BORCS5: variants seen among roughly 807,000 people sequenced by gnomAD.
BORCS5 encodes the protein BLOC-1 related complex subunit 5.
A neutral mutation model predicts 22.1 loss-of-function variants in BORCS5; 17 were observed. The observed-to-expected ratio is 0.77, with a 90% CI of 0.53 to 1.15. BORCS5 has a LOEUF of 1.15. Among genes scored for constraint, BORCS5 ranks in the 50% most tolerant of loss-of-function variants. The pLI, the probability that BORCS5 is intolerant of heterozygous loss-of-function variation, is 0.00. For missense variants in BORCS5, 247 were observed against 253.2 expected, an observed-to-expected ratio of 0.98 and a Z score of 0.17; for synonymous variants, 117 against 99.8, an observed-to-expected ratio of 1.17 and a Z score of -1.03.
chr12:12,371,196 A>G (rs1384986673), intron 2 of BORCS5, among the ~76,000 whole-genome samples: 4 of 152,164 alleles, frequency 2.6e-5, no homozygotes, highest in African/African-American at 9.7e-5. Context: ...CTTTTAGTGA[A>G]GGGTCTTATT....
intron 2 of BORCS5, among the ~76,000 whole-genome samples, chr12:12,374,824 G>A (rs1206236746): frequency 6.6e-6 from 1 of 151,444 alleles, no homozygotes; most frequent in Non-Finnish European, 1.5e-5. Flanking sequence ...CGGGCGTGGT[G>A]GCGCACAGCT....
intron 2 of BORCS5, among the ~76,000 whole-genome samples, chr12:12,407,062 C>T (rs1941611374): frequency 6.6e-6 from 1 of 152,186 alleles, no homozygotes; most frequent in African/African-American, 2.4e-5. Flanking sequence ...TCTGCCTTCA[C>T]TCAGTGAGAG....
intron 2 of BORCS5, among the ~76,000 whole-genome samples, chr12:12,368,454 C>CT (rs1383467883): frequency 2.0e-5 from 3 of 151,518 alleles, no homozygotes; most frequent in South Asian, 2.1e-4. Flanking sequence ...TTTCCTTCTT[C>CT]TTTTTTTTGA....
At chr12:12,376,427 G>T (rs1351828038) in intron 2 of BORCS5, among the ~76,000 whole-genome samples, 2 of 151,916 alleles carry the variant, frequency 1.3e-5, no homozygotes, top group Admixed American at 1.3e-4. Context: ...TAGAGAGGGG[G>T]TTTCACAGTG....
At chr12:12,396,053 G>A (rs1320925373) in intron 2 of BORCS5, among the ~76,000 whole-genome samples, 2 of 151,990 alleles carry the variant, frequency 1.3e-5, no homozygotes. Context: ...GGAGTGCAGT[G>A]GCACCATCTC....
intron 2 of BORCS5, among the ~76,000 whole-genome samples, chr12:12,431,057 C>T (rs1942410560): frequency 6.6e-6 from 1 of 152,146 alleles, no homozygotes; most frequent in Non-Finnish European, 1.5e-5. Context: ...CATCATTTAG[C>T]TTGTGTGCTA....
rs775544815 is a variant in BORCS5, at chr12:12,465,719, C to T, written c.534C>T (p.Pro178=). 1.4e-5 allele frequency: 23 copies of T among 1,614,006 alleles called. No homozygotes were observed. The highest frequency in any genetic ancestry group is 1.0e-4 in the Admixed American group (6 of 60,012). ...TGGACAGGCTCAACAGCATGCTGCC[C>T]GAGGGCGAGCGGCTGGAGCCCTTCA... The part of the protein sequence containing the change: ...PLLDRLNSML[P]EGERLEPFSM... Residue 178 remains proline, a synonymous_variant, in exon 4 of 4, where the codon CCC becomes CCT. Coordinates refer to ENST00000314565, the MANE Select transcript of BORCS5 (RefSeq NM_058169.6).
chr12:12,377,412 C>A (rs371435393), intron 2 of BORCS5, among the ~76,000 whole-genome samples: 1 of 152,116 alleles, frequency 6.6e-6, no homozygotes. Flanking sequence ...CTCCTGACCT[C>A]AGGTGGTCTG....
rs1943191455 is a variant in BORCS5, at chr12:12,465,776, G to A, written c.591G>A (p.Ter197=). 6.2e-7 allele frequency: 1 copy of A among 1,610,444 alleles called. No homozygotes were observed. Among genetic ancestry groups the A allele is most frequent in the Non-Finnish European group, 8.5e-7 (1 of 1,178,884 alleles). The stretch of plus-strand genomic sequence containing the variant: ...AGCCCGACCGCGAGCTCAGGCTGTA[G>A]CTGCTGCCCGGCCTGCCTGGGGCTG... The part of the protein sequence containing the change: ...SMKPDRELRL[*] The change falls in exon 4 of 4, where the codon TAG becomes TAA. Residue 197 remains the stop codon, a stop_retained_variant. Transcript: ENST00000314565.
chr12:12,459,499 G>A (rs1441048546), intron 3 of BORCS5, among the ~76,000 whole-genome samples: 3 of 151,078 alleles, frequency 2.0e-5, no homozygotes, highest in Non-Finnish European at 3.0e-5. Context: ...TAGTAGAGAC[G>A]GGATTTCACC....
intron 3 of BORCS5, among the ~76,000 whole-genome samples, chr12:12,440,617 A>AC (rs1555156358): frequency 7.9e-5 from 12 of 151,834 alleles, no homozygotes; most frequent in South Asian, 4.2e-4. Context: ...AAAAAAAAAA[A>AC]AAACCAGGAT....
rs1054511406 is a variant in BORCS5, at chr12:12,378,948, G to C, written c.202+17599G>C. Among the ~76,000 whole-genome samples, 2 of 150,394 alleles carry C rather than the reference G, an allele frequency of 1.3e-5. 1 individual carries two copies. Among genetic ancestry groups the C allele is most frequent in the Admixed American group, 1.3e-4 (2 of 15,078 alleles). ...TTTTAATTTTTTTTGTAGAAATAGG[G>C]TTCCGTATGTTGCCCAGGCTGGTCT... On this transcript the variant is annotated intron_variant, in intron 2 of 3. Coordinates refer to ENST00000314565, the MANE Select transcript of BORCS5 (RefSeq NM_058169.6).
chr12:12,463,104 C>T (rs1431882683), intron 3 of BORCS5, among the ~76,000 whole-genome samples: 1 of 152,044 alleles, frequency 6.6e-6, no homozygotes, highest in Non-Finnish European at 1.5e-5. Context: ...AGGATATATC[C>T]CTAGATTGTC....
intron 2 of BORCS5, among the ~76,000 whole-genome samples, chr12:12,363,301 GAA>G (rs71061051): frequency 7.8e-6 from 1 of 127,606 alleles, no homozygotes; most frequent in Non-Finnish European, 1.7e-5. Flanking sequence ...TGCCTCAAAA[GAA>G]AAAAAAAAAA....
chr12:12,387,853 G>A (rs1304810989), intron 2 of BORCS5, among the ~76,000 whole-genome samples: 1 of 151,416 alleles, frequency 6.6e-6, no homozygotes, highest in African/African-American at 2.4e-5. Context: ...TCAGTTTCTA[G>A]CTTGTTGAAG....
intron 3 of BORCS5, among the ~76,000 whole-genome samples, chr12:12,450,924 T>C (rs1286458045): frequency 5.3e-5 from 8 of 152,366 alleles, no homozygotes; most frequent in Non-Finnish European, 1.0e-4. Context: ...GTAACTGTTA[T>C]ACATTATTTT....
At chr12:12,412,572 T>C (rs1257905710) in intron 2 of BORCS5, among the ~76,000 whole-genome samples, 1 of 152,198 alleles carries the variant, frequency 6.6e-6, no homozygotes, top group Non-Finnish European at 1.5e-5. Flanking sequence ...TGAACAGACA[T>C]AATTTAACTT....
chr12:12,461,478 C>T (rs896164792), intron 3 of BORCS5, among the ~76,000 whole-genome samples: 3 of 152,066 alleles, frequency 2.0e-5, no homozygotes, highest in African/African-American at 7.3e-5. Flanking sequence ...GGCCAGCATT[C>T]CTATCTGTCA....
At position 12,382,850 on chromosome 12, in the gene BORCS5, A is replaced by G. The variant is rs114369316; in HGVS notation, c.202+21501A>G. On this transcript the variant is annotated intron_variant, in intron 2 of 3. Transcript: ENST00000314565. The stretch of plus-strand genomic sequence containing the variant: ...GCCCAGTGGGTATGTATCTTTTTTT[A>G]TCTGTTTGCTTTCAACTCTTTTGTG... 3.7e-3 allele frequency among the ~76,000 whole-genome samples: 564 copies of G among 150,750 alleles called. 17 individuals carry two copies. The highest frequency in any genetic ancestry group is 0.013 in the African/African-American group (537 of 41,084).
Sources: gnomAD v4.1 joint callset for allele counts (sites outside exome capture counted in the v4.1 genomes callset) on GRCh38, gnomAD v4.1.1 for gene constraint, MANE v1.5 for transcripts, NCBI Gene and HGNC (gene_info 2026-07-23, HGNC 2026-07-21) for gene names.